The following MOSMO variants were observed in gnomAD, a reference collection of about 807,000 sequenced individuals.
MOSMO encodes the protein modulator of smoothened protein.
In MOSMO, 5 loss-of-function variants were observed where a neutral mutation model predicts 18.4. That is an observed-to-expected ratio of 0.27 (90% CI 0.14 to 0.57). MOSMO has a LOEUF of 0.57. Among genes scored for constraint, MOSMO ranks in the 20% least tolerant of loss-of-function variants. MOSMO has a pLI of 0.92. For synonymous variants in MOSMO, 82 were observed against 82.3 expected (o/e 1.00, Z 0.02); for missense variants, 138 against 211.8 (o/e 0.65, Z 2.16).
intron 1 of MOSMO, among the ~76,000 whole-genome samples, chr16:22,017,692 G>A (rs772202264): frequency 1.3e-5 from 2 of 152,088 alleles, no homozygotes; most frequent in Non-Finnish European, 2.9e-5. Context: ...CCTAAAAATA[G>A]GTACCTGGAT....
intron 1 of MOSMO, among the ~76,000 whole-genome samples, chr16:22,036,666 C>G (rs1900115731): frequency 6.6e-6 from 1 of 152,116 alleles, no homozygotes; most frequent in African/African-American, 2.4e-5. Flanking sequence ...AGGCTGATCT[C>G]CAGCTACTGG....
chr16:22,024,237 C>T (rs1042426493), intron 1 of MOSMO, among the ~76,000 whole-genome samples: 2 of 151,958 alleles, frequency 1.3e-5, no homozygotes, highest in Non-Finnish European at 2.9e-5. Flanking sequence ...CACTTTACCT[C>T]CCAGCAATGT....
intron 1 of MOSMO, among the ~76,000 whole-genome samples, chr16:22,068,481 T>C (rs1393674275): frequency 2.0e-5 from 3 of 152,236 alleles, no homozygotes; most frequent in African/African-American, 7.2e-5. Flanking sequence ...CAATGTCTAA[T>C]TCCAGAATAT....
At chr16:22,037,284 G>A (rs901918819) in intron 1 of MOSMO, among the ~76,000 whole-genome samples, 9 of 152,018 alleles carry the variant, frequency 5.9e-5, no homozygotes, top group East Asian at 3.9e-4. Context: ...AAAGGAAAAC[G>A]AAACAAAAAT....
chr16:22,033,184 T>C (rs1338542997), intron 1 of MOSMO, among the ~76,000 whole-genome samples: 1 of 152,208 alleles, frequency 6.6e-6, no homozygotes, highest in Non-Finnish European at 1.5e-5. Flanking sequence ...CATTTCCATA[T>C]AAATTTTAGG....
chr16:22,087,622 T>TA (rs1901210537), downstream of MOSMO: 1 of 152,212 alleles, frequency 6.6e-6, no homozygotes. Flanking sequence ...AATTGCTCTT[T>TA]AAAAACTGAC....
intron 1 of MOSMO, among the ~76,000 whole-genome samples, chr16:22,052,358 G>A (rs1170265662): frequency 2.6e-5 from 4 of 152,154 alleles, no homozygotes; most frequent in African/African-American, 7.2e-5. Flanking sequence ...GACAGTATCA[G>A]GTATTGGCAA....
At chr16:22,050,415 G>A (rs1252364494) in intron 1 of MOSMO, among the ~76,000 whole-genome samples, 5 of 152,172 alleles carry the variant, frequency 3.3e-5, no homozygotes, top group Non-Finnish European at 7.4e-5. Context: ...TTCTCAACTA[G>A]GGACAGTTTT....
intron 1 of MOSMO, among the ~76,000 whole-genome samples, chr16:22,020,624 A>AT (rs1899740779): frequency 6.6e-6 from 1 of 152,120 alleles, no homozygotes; most frequent in South Asian, 2.1e-4. Flanking sequence ...ATGAAACTTA[A>AT]TTTGTAGGTT....
At chr16:22,013,183 A>T (rs2141978152) in intron 1 of MOSMO, among the ~76,000 whole-genome samples, 1 of 152,248 alleles carries the variant, frequency 6.6e-6, no homozygotes, top group Non-Finnish European at 1.5e-5. Flanking sequence ...ACTTGATCTG[A>T]TTCCTTAGGA....
intron 2 of MOSMO, among the ~76,000 whole-genome samples, chr16:22,077,092 C>T (rs1900984676): frequency 6.6e-6 from 1 of 152,140 alleles, no homozygotes; most frequent in Admixed American, 6.5e-5. Flanking sequence ...CTCACAGATT[C>T]ACTAATCCAG....
At chr16:22,066,137 T>G (rs1417958380) in intron 1 of MOSMO, among the ~76,000 whole-genome samples, 3 of 151,846 alleles carry the variant, frequency 2.0e-5, no homozygotes, top group Non-Finnish European at 4.4e-5. Context: ...GGGCAGGGGG[T>G]TTGGTACTTT....
chr16:22,008,955 G>A (rs916023510), intron 1 of MOSMO, among the ~76,000 whole-genome samples: 1 of 151,976 alleles, frequency 6.6e-6, no homozygotes, highest in African/African-American at 2.4e-5. Flanking sequence ...CTGCGGCCGG[G>A]GGCGAGCCCG....
At chr16:22,049,421 G>A (rs1900380009) in intron 1 of MOSMO, among the ~76,000 whole-genome samples, 1 of 152,064 alleles carries the variant, frequency 6.6e-6, no homozygotes, top group Non-Finnish European at 1.5e-5. Context: ...TGCCCAGGCT[G>A]GTGGTTTTCA....
rs563927030 is a variant in MOSMO at position 22,033,271 on chromosome 16, G to A, written c.106+24864G>A. Reference sequence around the variant, plus strand: ...TGGTAAGGATTGCATTGAATCTGTAGATCAACTTGGAAGTATCGTCTAAGT... The same window carrying A: ...TGGTAAGGATTGCATTGAATCTGTAAATCAACTTGGAAGTATCGTCTAAGT... On this transcript the variant is annotated intron_variant, in intron 1 of 2. Transcript: ENST00000542527. Among the ~76,000 whole-genome samples the A allele has an allele frequency of 6.6e-5, 10 of 152,270 alleles. No individual in the cohort carries two copies. In the South Asian group the frequency reaches 1.0e-3, roughly 16 times the overall value.
intron 1 of MOSMO, among the ~76,000 whole-genome samples, chr16:22,031,346 ACTTTT>A (rs1024092349): frequency 3.3e-5 from 5 of 152,226 alleles, no homozygotes; most frequent in Non-Finnish European, 5.9e-5. Context: ...ATATAATTCC[ACTTTT>A]CTTTTTAAAA....
At chr16:22,057,647 AAGAT>A (rs575853725) in intron 1 of MOSMO, among the ~76,000 whole-genome samples, 3 of 152,260 alleles carry the variant, frequency 2.0e-5, no homozygotes, top group Non-Finnish European at 2.9e-5. Context: ...ATTGGAAAAT[AAGAT>A]AGATACTGGC....
intron 1 of MOSMO, 116 bp from the exon 2 acceptor site, chr16:22,075,371 C>T (rs1026147754): frequency 3.8e-6 from 3 of 783,320 alleles, no homozygotes; most frequent in Non-Finnish European, 6.4e-6. Context: ...TTAGGATGTG[C>T]TTGAATGACC....
At chr16:22,010,932 A>G (rs1347384091) in intron 1 of MOSMO, among the ~76,000 whole-genome samples, 1 of 150,804 alleles carries the variant, frequency 6.6e-6, no homozygotes, top group Non-Finnish European at 1.5e-5. Context: ...AAAAGAAAAC[A>G]GAAAAAAAAA....
Sources: gnomAD v4.1 joint callset for allele counts (sites outside exome capture counted in the v4.1 genomes callset) on GRCh38, gnomAD v4.1.1 for gene constraint, MANE v1.5 for transcripts, NCBI Gene and HGNC (gene_info 2026-07-23, HGNC 2026-07-21) for gene names.